JAKMIP1: variants seen among roughly 807,000 people sequenced by gnomAD.
JAKMIP1 encodes janus kinase and microtubule interacting protein 1, also known as janus kinase and microtubule-interacting protein 1.
JAKMIP1 carries 33 observed loss-of-function variants against 113.0 expected under a neutral mutation model. The observed-to-expected ratio is 0.29, with a 90% CI of 0.22 to 0.39. JAKMIP1 has a LOEUF of 0.39. JAKMIP1 is among the 10% of genes least tolerant of loss of function. The probability of loss-of-function intolerance (pLI) is 1.00; values close to 1 mark genes in which losing one functional copy is unlikely to be tolerated. For missense variants in JAKMIP1, 813 were observed against 1,080.5 expected (o/e 0.75, Z 3.47); for synonymous variants, 480 against 459.9 (o/e 1.04, Z -0.56).
intron 1 of JAKMIP1, among the ~76,000 whole-genome samples, chr4:6,163,566 C>A (rs1723219624): frequency 6.6e-6 from 1 of 152,182 alleles, no homozygotes; most frequent in South Asian, 2.1e-4. Flanking sequence ...CCTACAATAG[C>A]CTCTAAGTGT....
rs374996170 is a variant in JAKMIP1, at chr4:6,066,811, G to C, written c.1303-1803C>G. On this transcript the variant is annotated intron_variant, in intron 8 of 20. Coordinates refer to ENST00000409021, the MANE Select transcript of JAKMIP1 (RefSeq NM_001099433.2). ...GAATTATTAAAACCACCAACATCCA[G>C]GCAGGCTACAAGTGGTCTGCGAGGC... 2.2e-4 allele frequency among the ~76,000 whole-genome samples: 34 copies of C among 152,112 alleles called. No homozygotes were observed. In the East Asian group the frequency reaches 5.8e-3, roughly 26 times the overall value.
chr4:6,050,708 A>T lies in JAKMIP1; in HGVS notation c.1807-29T>A, dbSNP rs2108767546. 6.6e-7 allele frequency: 1 copy of T among 1,505,138 alleles called. No homozygotes were observed. Among genetic ancestry groups the T allele is most frequent in the East Asian group, 2.5e-5 (1 of 40,738 alleles). The allele number at this position is 1,505,138 out of a possible 1,614,324, so 93.2% of individuals were successfully genotyped here. ...GGGAAAAGATTCGGTTTAAAAACAG[A>T]ATGTGACCGGATTATTTACCACTTG... On this transcript the variant is annotated intron_variant, in intron 13 of 20. Coordinates refer to ENST00000409021, the MANE Select transcript of JAKMIP1 (RefSeq NM_001099433.2). The surrounding 1 kb of genome is among the most constrained non-coding windows in gnomAD (Gnocchi z 7.4).
chr4:6,171,922 T>C (rs1724778809), intron 1 of JAKMIP1, among the ~76,000 whole-genome samples: 1 of 152,232 alleles, frequency 6.6e-6, no homozygotes, highest in African/African-American at 2.4e-5. Context: ...TGCAAAGCCA[T>C]GCAGACATTT....
intron 1 of JAKMIP1, among the ~76,000 whole-genome samples, chr4:6,120,432 A>T (rs952037460): frequency 1.3e-5 from 2 of 152,298 alleles, no homozygotes; most frequent in Middle Eastern, 3.4e-3. Context: ...TGAATTGTTG[A>T]TGGCAGTGGA....
At position 6,176,959 on chromosome 4, in the gene JAKMIP1, G is replaced by C. The variant is rs2109033039; in HGVS notation, c.-148+23294C>G. On this transcript the variant is annotated intron_variant, in intron 1 of 20. Coordinates refer to ENST00000409021, the MANE Select transcript of JAKMIP1 (RefSeq NM_001099433.2). This position sits in a 1 kb window ranked among gnomAD's most constrained non-coding sequence, Gnocchi z 5.5. The stretch of plus-strand genomic sequence containing the variant: ...GAGGTGGGAGGATCGCTTGCATCGG[G>C]GAGGTTGAGGCTGCAGTGAGCCATG... 6.6e-6 allele frequency among the ~76,000 whole-genome samples: 1 copy of C among 152,284 alleles called. No individual in the cohort carries two copies. The highest frequency in any genetic ancestry group is 1.5e-5 in the Non-Finnish European group (1 of 68,042).
At chr4:6,117,777 G>T (rs1419455427) in intron 1 of JAKMIP1, among the ~76,000 whole-genome samples, 1 of 152,100 alleles carries the variant, frequency 6.6e-6, no homozygotes, top group African/African-American at 2.4e-5. Flanking sequence ...CTTTCTCAGG[G>T]ACGTTCCATG....
intron 9 of JAKMIP1, among the ~76,000 whole-genome samples, chr4:6,063,136 C>T (rs1332754325): frequency 1.3e-5 from 2 of 151,288 alleles, no homozygotes; most frequent in Admixed American, 6.6e-5. Flanking sequence ...AGCTAGACTC[C>T]GTCTCCAAAA....
chr4:6,160,817 A>G (rs532597574), intron 1 of JAKMIP1, among the ~76,000 whole-genome samples: 3 of 147,772 alleles, frequency 2.0e-5, no homozygotes, highest in African/African-American at 7.6e-5. Flanking sequence ...ACTCACCTCC[A>G]CTGACTCACT....
intron 3 of JAKMIP1, among the ~76,000 whole-genome samples, chr4:6,103,826 G>A (rs1344672187): frequency 6.6e-6 from 1 of 152,088 alleles, no homozygotes; most frequent in African/African-American, 2.4e-5. Flanking sequence ...AGGAGCTGTG[G>A]TATTTCCCCC....
In JAKMIP1 at chr4:6,061,937, C is replaced by T. The variant is rs572378865; in HGVS notation, c.1560+375G>A. Among the ~76,000 whole-genome samples, 1 of 152,294 alleles carries T rather than the reference C, an allele frequency of 6.6e-6. No individual in the cohort carries two copies. Among genetic ancestry groups the T allele is most frequent in the Admixed American group, 6.5e-5 (1 of 15,302 alleles). On this transcript the variant is annotated intron_variant, in intron 10 of 20. Transcript: ENST00000409021. The surrounding 1 kb of genome is among the most constrained non-coding windows in gnomAD (Gnocchi z 5.3). ...CACCCTGAGAGTCCCTGCAAGTGTT[C>T]TGGTGGATGTCCTGGAGGGCGGGGG... is the stretch of plus-strand genomic sequence containing the variant.
At position 6,129,754 on chromosome 4, in the gene JAKMIP1, G is replaced by A. The variant is rs746893568; in HGVS notation, c.-147-16757C>T. On this transcript the variant is annotated intron_variant, in intron 1 of 20. Coordinates refer to ENST00000409021, the MANE Select transcript of JAKMIP1 (RefSeq NM_001099433.2). This position sits in a 1 kb window ranked among gnomAD's most constrained non-coding sequence, Gnocchi z 5.4. ...GATTTCTCCATGAAGCACAACTCCCGCCCCTAGAAAAGTATTCTGAGGTCA... is the reference window on the plus strand; with the variant it reads ...GATTTCTCCATGAAGCACAACTCCCACCCCTAGAAAAGTATTCTGAGGTCA... Among the ~76,000 whole-genome samples, 5 of 152,084 alleles carry A rather than the reference G, an allele frequency of 3.3e-5. No homozygotes were observed. The highest frequency in any genetic ancestry group is 1.9e-4 in the East Asian group (1 of 5,194).
intron 10 of JAKMIP1, 36 bp from the exon 11 acceptor site, chr4:6,060,543 C>T (rs1287100298): frequency 6.7e-7 from 1 of 1,492,528 alleles, no homozygotes. Flanking sequence ...AGCAGGTCAC[C>T]TCCAATGGGT....
chr4:6,027,515 G>A (rs1218749002), intron 20 of JAKMIP1, among the ~76,000 whole-genome samples: 1 of 152,192 alleles, frequency 6.6e-6, no homozygotes, highest in Non-Finnish European at 1.5e-5. Context: ...GGATAGTGGT[G>A]GCTGGAGCTA....
chr4:6,059,029 G>T lies in JAKMIP1; in HGVS notation c.1644+1395C>A, dbSNP rs73073448. Among the ~76,000 whole-genome samples, 2,442 of 152,296 alleles carry T rather than the reference G, an allele frequency of 0.016. 60 individuals carry two copies. The highest frequency in any genetic ancestry group is 0.052 in the African/African-American group (2,155 of 41,548). The stretch of plus-strand genomic sequence containing the variant: ...AGCCCCATTTTAAAGATGAGGAAAC[G>T]GAGGCACAAAGAGATTATGTTACTT... On this transcript the variant is annotated intron_variant, in intron 11 of 20. Coordinates refer to ENST00000409021, the MANE Select transcript of JAKMIP1 (RefSeq NM_001099433.2). This position sits in a 1 kb window ranked among gnomAD's most constrained non-coding sequence, Gnocchi z 4.8.
At chr4:6,068,604 C>A (rs139004804) in intron 8 of JAKMIP1, among the ~76,000 whole-genome samples, 11 of 145,806 alleles carry the variant, frequency 7.5e-5, no homozygotes, top group African/African-American at 1.8e-4. Flanking sequence ...GTCGCCCAGG[C>A]TGGAGAGCAG....
chr4:6,063,297 G>T (rs1242745826), intron 9 of JAKMIP1, among the ~76,000 whole-genome samples: 2 of 152,262 alleles, frequency 1.3e-5, no homozygotes, highest in African/African-American at 4.8e-5. Flanking sequence ...GAGAGAGGAT[G>T]AGGCAATCCC....
rs1310359289 is a variant in JAKMIP1 at position 6,158,557 on chromosome 4, A to AG, written c.-148+41695dup. On this transcript the variant is annotated intron_variant, in intron 1 of 20. Coordinates refer to ENST00000409021, the MANE Select transcript of JAKMIP1 (RefSeq NM_001099433.2). The surrounding 1 kb of genome is among the most constrained non-coding windows in gnomAD (Gnocchi z 5.3). ...CATGATTCACTGGAAAGAAAGGATG[A>AG]GGTATTCCAGAGGGCCTGCGGGAGT... Among the ~76,000 whole-genome samples the AG allele has an allele frequency of 6.6e-6, 1 of 152,054 alleles. No homozygotes were observed. The highest frequency in any genetic ancestry group is 1.5e-5 in the Non-Finnish European group (1 of 68,000).
Position 6,150,843 on chromosome 4 carries a change from A to C in JAKMIP1, c.-147-37846T>G. 6.6e-6 allele frequency among the ~76,000 whole-genome samples: 1 copy of C among 152,218 alleles called. No homozygotes were observed. The highest frequency in any genetic ancestry group is 1.5e-5 in the Non-Finnish European group (1 of 68,042). On this transcript the variant is annotated intron_variant, in intron 1 of 20. Transcript: ENST00000409021. This position sits in a 1 kb window ranked among gnomAD's most constrained non-coding sequence, Gnocchi z 4.8. ...TCAAGCTCCTCCACTTGAGCAAGAC[A>C]GTAATAATGTCTGCCACCGGAAGAC... is the stretch of plus-strand genomic sequence containing the variant.
intron 16 of JAKMIP1, among the ~76,000 whole-genome samples, chr4:6,045,589 G>T (rs193036759): frequency 6.6e-6 from 1 of 152,186 alleles, no homozygotes; most frequent in South Asian, 2.1e-4. Flanking sequence ...AACTGGCTTC[G>T]AGGCTGGGTG....
Sources: gnomAD v4.1 joint callset for allele counts (sites outside exome capture counted in the v4.1 genomes callset) on GRCh38, gnomAD v4.1.1 for gene constraint, Gnocchi (gnomAD v3.1) non-coding constraint, MANE v1.5 for transcripts, NCBI Gene and HGNC (gene_info 2026-07-23, HGNC 2026-07-21) for gene names.